Variants in POLN observed in about 807,000 individuals in gnomAD.
POLN encodes DNA polymerase nu, also known as DNA polymerase N.
Under a neutral mutation model 113.5 loss-of-function variants are expected in POLN, and 108 were observed. That is an observed-to-expected ratio of 0.95 (90% CI 0.81 to 1.12). The LOEUF is 1.12. Ranked by LOEUF, POLN falls within the 50% of genes most tolerant of loss-of-function variation. The probability of loss-of-function intolerance (pLI) is 0.00; values close to 1 mark genes in which losing one functional copy is unlikely to be tolerated. For missense variants in POLN, 1,097 were observed against 1,077.1 expected, an observed-to-expected ratio of 1.02 and a Z score of -0.26; for synonymous variants, 386 against 391.5, an observed-to-expected ratio of 0.99 and a Z score of 0.17.
intron 18 of POLN, among the ~76,000 whole-genome samples, chr4:2,128,474 G>C (rs13145274): frequency 0.038 from 5,800 of 152,254 alleles, 169 homozygotes; most frequent in Non-Finnish European, 0.057. Context: ...GTGATAAATA[G>C]GATGACCAGT....
intron 5 of POLN, among the ~76,000 whole-genome samples, chr4:2,201,611 A>G (rs572679857): frequency 6.6e-6 from 1 of 152,284 alleles, no homozygotes; most frequent in African/African-American, 2.4e-5. Context: ...AATCTAAAAA[A>G]TTTGGAAAAC....
chr4:2,143,967 T>C (rs898603609), intron 16 of POLN, among the ~76,000 whole-genome samples: 2 of 152,120 alleles, frequency 1.3e-5, no homozygotes, highest in African/African-American at 4.8e-5. Flanking sequence ...GTGCAACTTA[T>C]ACCCAGCAAC....
chr4:2,183,334 G>A (rs1437409746), intron 7 of POLN, among the ~76,000 whole-genome samples: 7 of 152,054 alleles, frequency 4.6e-5, no homozygotes, highest in African/African-American at 1.2e-4. Flanking sequence ...ATATGTCCAC[G>A]CAAAGACCTT....
At chr4:2,160,909 T>C (rs1285042510) in intron 13 of POLN, among the ~76,000 whole-genome samples, 1 of 152,226 alleles carries the variant, frequency 6.6e-6, no homozygotes, top group Non-Finnish European at 1.5e-5. Context: ...AGATACACAA[T>C]TCACCTGGAA....
chr4:2,116,308 A>C (rs1045966818), intron 19 of POLN, among the ~76,000 whole-genome samples: 2 of 152,156 alleles, frequency 1.3e-5, no homozygotes, highest in Non-Finnish European at 2.9e-5. Context: ...TCCCTCATCT[A>C]TGGAAGATTC....
At chr4:2,151,739 A>T (rs1003502242) in intron 16 of POLN, among the ~76,000 whole-genome samples, 2 of 152,210 alleles carry the variant, frequency 1.3e-5, no homozygotes, top group African/African-American at 4.8e-5. Context: ...GTGTGGCTCC[A>T]TTCACAGAGG....
Position 2,174,761 on chromosome 4 carries a change from A to T in POLN, c.1249-10T>A. Reference sequence around the variant, plus strand: ...GCCATAAACCATAATCCTGTTTAATAGGAAGAAATAACATCAACGTCAATT... The same window carrying T: ...GCCATAAACCATAATCCTGTTTAATTGGAAGAAATAACATCAACGTCAATT... On this transcript the variant is annotated splice_polypyrimidine_tract_variant and intron_variant, in intron 9 of 25. Transcript: ENST00000511885. 1 of 1,570,168 alleles carries T rather than the reference A, an allele frequency of 6.4e-7. No individual in the cohort carries two copies.
chr4:2,075,631 GC>G (rs1308070521), intron 23 of POLN, 112 bp from the exon 24 acceptor site: 5 of 1,113,246 alleles, frequency 4.5e-6, no homozygotes, highest in Non-Finnish European at 6.7e-6. Context: ...TGAGGCGGGG[GC>G]TCAGGGGTGC....
At chr4:2,086,859 C>CAGGATGGTGCAGA (rs1730562767) in intron 20 of POLN, among the ~76,000 whole-genome samples, 1 of 152,102 alleles carries the variant, frequency 6.6e-6, no homozygotes, top group Non-Finnish European at 1.5e-5. Context: ...GACCTTTGGA[C>CAGGATGGTGCAGA]AGGATGGTGC....
intron 16 of POLN, among the ~76,000 whole-genome samples, chr4:2,147,557 A>G (rs535364184): frequency 6.6e-6 from 1 of 152,212 alleles, no homozygotes; most frequent in Admixed American, 6.5e-5. Context: ...TCAACAGGCC[A>G]TAATACTGAT....
chr4:2,153,701 G>C (rs1732348964), intron 16 of POLN, among the ~76,000 whole-genome samples: 1 of 151,408 alleles, frequency 6.6e-6, no homozygotes, highest in African/African-American at 2.4e-5. Context: ...TCCTGCCTCA[G>C]CCTCCCAAGT....
intron 3 of POLN, among the ~76,000 whole-genome samples, chr4:2,217,074 T>C (rs1375662113): frequency 1.3e-5 from 2 of 152,172 alleles, no homozygotes; most frequent in African/African-American, 4.8e-5. Context: ...TCGTGACTGT[T>C]CCCACAGATC....
At chr4:2,120,407 ATTCCT>A (rs1731411497) in intron 19 of POLN, among the ~76,000 whole-genome samples, 1 of 151,484 alleles carries the variant, frequency 6.6e-6, no homozygotes, top group African/African-American at 2.4e-5. Context: ...GAATTCTTTG[ATTCCT>A]TTCATCAGCA....
At chr4:2,097,015 C>T (rs1730812703) in intron 19 of POLN, among the ~76,000 whole-genome samples, 1 of 152,234 alleles carries the variant, frequency 6.6e-6, no homozygotes. Context: ...CATCTCTCTC[C>T]TCAGTTTTTC....
Position 2,173,952 on chromosome 4 carries a change from T to C in POLN, c.1374+3A>G. ...GTACAAACCATCTGGAATAATAACT[T>C]ACCCCAAGAAGTGCTGACGTCTTCT... is the stretch of plus-strand genomic sequence containing the variant. On this transcript the variant is annotated splice_donor_region_variant and intron_variant, in intron 11 of 25. Coordinates refer to ENST00000511885, the MANE Select transcript of POLN (RefSeq NM_181808.4). 1 of 1,613,922 alleles carries C rather than the reference T, an allele frequency of 6.2e-7. No individual in the cohort carries two copies.
At chr4:2,202,904 G>A (rs920646849) in intron 5 of POLN, among the ~76,000 whole-genome samples, 2 of 151,932 alleles carry the variant, frequency 1.3e-5, no homozygotes, top group African/African-American at 2.4e-5. Context: ...AATAATGGGG[G>A]ACTTCAATAC....
Position 2,208,214 on chromosome 4 carries a change from T to C in POLN, c.487A>G (p.Asn163Asp), listed in dbSNP as rs1477599079. 4 of 1,595,364 alleles carry C rather than the reference T, an allele frequency of 2.5e-6. No homozygotes were observed. Among genetic ancestry groups the C allele is most frequent in the South Asian group, 2.2e-5 (2 of 90,502 alleles). ...NLKRKHITYN[N>D]LSEKTSKQMA... ...TGTTTACTTGTTTTCTCTGACAAATTATTATATGTAATATGTTTTCTTTTA... is the reference window on the plus strand; with the variant it reads ...TGTTTACTTGTTTTCTCTGACAAATCATTATATGTAATATGTTTTCTTTTA... The change falls in exon 5 of 26, where the codon AAT becomes GAT. Residue 163 changes from asparagine (N) to aspartate (D), a missense_variant. Physicochemically the swap from Asn to Asp is conservative, Grantham distance 23. Transcript: ENST00000511885.
At chr4:2,160,949 G>A (rs1461221964) in intron 13 of POLN, among the ~76,000 whole-genome samples, 1 of 152,282 alleles carries the variant, frequency 6.6e-6, no homozygotes, top group Non-Finnish European at 1.5e-5. Flanking sequence ...TGAAATGGGG[G>A]TCAAGATGCA....
chr4:2,240,198 T>C, intron 2 of POLN: 1 of 1,614,076 alleles, frequency 6.2e-7, no homozygotes, highest in Non-Finnish European at 8.5e-7. Context: ...TTCTTGATTA[T>C]CACAAATAGA....
Sources: allele counts gnomAD v4.1 joint callset (sites outside exome capture counted in the v4.1 genomes callset), GRCh38; gene constraint gnomAD v4.1.1; transcripts MANE v1.5; gene names NCBI Gene and HGNC (gene_info 2026-07-23, HGNC 2026-07-21).